The following KIF15 variants were observed in gnomAD, a reference collection of about 807,000 sequenced individuals.
KIF15 encodes kinesin family member 15.
In KIF15, 140 loss-of-function variants were observed where a neutral mutation model predicts 190.6. The ratio of observed to expected loss-of-function variants is 0.73; its 90% CI spans 0.64 to 0.84. The LOEUF is 0.84. KIF15 is among the 40% of genes least tolerant of loss of function. The pLI, the probability that KIF15 is intolerant of heterozygous loss-of-function variation, is 0.00. For synonymous variants in KIF15, 528 were observed against 551.3 expected (o/e 0.96, Z 0.59); for missense variants, 1,372 against 1,584.4 (o/e 0.87, Z 2.28).
At chr3:44,767,409 GAGAAAGAAC>G (rs1443232703) in intron 1 of KIF15, among the ~76,000 whole-genome samples, 2 of 152,210 alleles carry the variant, frequency 1.3e-5, no homozygotes, top group Admixed American at 6.5e-5. Flanking sequence ...TACGAAGAGT[GAGAAAGAAC>G]AGGGTCAGGG....
At chr3:44,799,435 C>G in intron 10 of KIF15, 1 of 432,858 alleles carries the variant, frequency 2.3e-6, no homozygotes, top group Admixed American at 2.5e-5. Flanking sequence ...GTGTTTTTTC[C>G]TTGCTGGAGT....
chr3:44,792,031 T>A (rs1372687204), intron 7 of KIF15, among the ~76,000 whole-genome samples: 3 of 151,224 alleles, frequency 2.0e-5, no homozygotes, highest in Non-Finnish European at 4.4e-5. Context: ...TTTTTTTAGA[T>A]AATAGTATTT....
intron 10 of KIF15, among the ~76,000 whole-genome samples, chr3:44,798,533 G>C (rs888749423): frequency 2.6e-5 from 4 of 151,654 alleles, no homozygotes; most frequent in African/African-American, 9.7e-5. Context: ...GGATGATCTC[G>C]ATCTCCTGAC....
At chr3:44,825,434 T>C (rs1223154260) in intron 20 of KIF15, among the ~76,000 whole-genome samples, 1 of 152,218 alleles carries the variant, frequency 6.6e-6, no homozygotes, top group African/African-American at 2.4e-5. Flanking sequence ...CTGCTTTGGA[T>C]GATCCAGAGG....
chr3:44,808,947 A>T (rs1270038446), intron 16 of KIF15, among the ~76,000 whole-genome samples: 1 of 152,154 alleles, frequency 6.6e-6, no homozygotes, highest in Non-Finnish European at 1.5e-5. Context: ...CTAGGTTTCT[A>T]TGGCTTAAGT....
intron 8 of KIF15, 73 bp downstream of exon 8, chr3:44,794,499 C>A: frequency 9.0e-7 from 1 of 1,109,214 alleles, no homozygotes; most frequent in Non-Finnish European, 1.3e-6. Context: ...TGATGCATGA[C>A]AGTGTCTCAG....
chr3:44,847,749 TC>T (rs1698911994), intron 30 of KIF15, among the ~76,000 whole-genome samples: 1 of 152,228 alleles, frequency 6.6e-6, no homozygotes, highest in Non-Finnish European at 1.5e-5. Context: ...TCCCACCTCA[TC>T]TCATCTTGCT....
chr3:44,787,287 A>G (rs944193106), intron 7 of KIF15, among the ~76,000 whole-genome samples: 1 of 152,174 alleles, frequency 6.6e-6, no homozygotes, highest in African/African-American at 2.4e-5. Flanking sequence ...ATTAAGCACT[A>G]AGTTGAATGT....
At chr3:44,800,701 G>A (rs193100283) in intron 11 of KIF15, among the ~76,000 whole-genome samples, 132 of 152,272 alleles carry the variant, frequency 8.7e-4, no homozygotes, top group Non-Finnish European at 1.4e-3. Flanking sequence ...CTACTTCTAC[G>A]TAGCATATGT....
chr3:44,798,171 CT>C (rs1189414767), intron 10 of KIF15, among the ~76,000 whole-genome samples: 1 of 149,868 alleles, frequency 6.7e-6, no homozygotes, highest in Non-Finnish European at 1.5e-5. Flanking sequence ...CTAGTTTTTT[CT>C]TTTTTTTTGA....
intron 19 of KIF15, among the ~76,000 whole-genome samples, chr3:44,813,642 T>C (rs2125661876): frequency 6.6e-6 from 1 of 151,356 alleles, no homozygotes; most frequent in African/African-American, 2.4e-5. Context: ...TTTTTTTTTT[T>C]TTGAGGTGGA....
At chr3:44,861,537 G>A (rs966266353) in intron 6 of KIF15, among the ~76,000 whole-genome samples, 3 of 152,202 alleles carry the variant, frequency 2.0e-5, no homozygotes, top group Non-Finnish European at 2.9e-5. Flanking sequence ...AAGCCTGGTC[G>A]ACGTGGATGG....
intron 26 of KIF15, 115 bp downstream of exon 26, chr3:44,831,133 T>A: frequency 8.2e-7 from 1 of 1,216,146 alleles, no homozygotes; most frequent in Non-Finnish European, 1.1e-6. Context: ...ATAATTCTTA[T>A]ACAGCTGATG....
chr3:44,764,050 T>G (rs925736234), intron 1 of KIF15, among the ~76,000 whole-genome samples: 1 of 152,222 alleles, frequency 6.6e-6, no homozygotes, highest in Non-Finnish European at 1.5e-5. Flanking sequence ...TTATCTAGAC[T>G]GCAGAGTAAA....
chr3:44,831,009 G>T lies in KIF15; in HGVS notation c.3162G>T (p.Glu1054Asp). Residue 1054 changes from glutamate to aspartate, a missense_variant, in exon 26 of 35, where the codon GAG (glutamate) becomes GAT (aspartate). Physicochemically the swap from Glu to Asp is conservative, Grantham distance 45. Transcript: ENST00000326047. ...KETLRLRILS[E>D]DIERDMLCED... is the part of the protein sequence containing the mutation. ...CCCTTAGGCTGAGAATACTTTCTGA[G>T]GACATAGAGGTAGGTATTAACGCAT... 6.2e-7 allele frequency: 1 copy of T among 1,613,824 alleles called. No individual in the cohort carries two copies. Among genetic ancestry groups the T allele is most frequent in the Non-Finnish European group, 8.5e-7 (1 of 1,179,920 alleles).
intron 11 of KIF15, 125 bp downstream of exon 11, chr3:44,800,562 A>G: frequency 1.1e-6 from 1 of 897,042 alleles, no homozygotes; most frequent in Non-Finnish European, 1.7e-6. Context: ...CTTTCTGCTT[A>G]TTTCTCCTAT....
At chr3:44,813,815 G>A (rs1164159295) in intron 19 of KIF15, among the ~76,000 whole-genome samples, 2 of 152,078 alleles carry the variant, frequency 1.3e-5, no homozygotes, top group African/African-American at 2.4e-5. Flanking sequence ...ACACGGTTTC[G>A]CCATGTTGGC....
intron 16 of KIF15, among the ~76,000 whole-genome samples, chr3:44,808,229 C>A (rs140829056): frequency 3.9e-4 from 59 of 152,324 alleles, no homozygotes; most frequent in Admixed American, 1.2e-3. Flanking sequence ...CCCCTTAGCA[C>A]AATGGAATTA....
intron 24 of KIF15, among the ~76,000 whole-genome samples, chr3:44,829,518 T>TGTATATATTA (rs1697881674): frequency 2.3e-5 from 2 of 86,626 alleles, no homozygotes; most frequent in Admixed American, 1.4e-4. Context: ...CGCATATATA[T>TGTATATATTA]TATATGTATA....
Sources: allele counts gnomAD v4.1 joint callset (sites outside exome capture counted in the v4.1 genomes callset), GRCh38; gene constraint gnomAD v4.1.1; transcripts MANE v1.5; gene names NCBI Gene and HGNC (gene_info 2026-07-23, HGNC 2026-07-21).